The following ARHGAP6 variants were observed in gnomAD, a reference collection of about 807,000 sequenced individuals.
ARHGAP6 encodes Rho GTPase activating protein 6, also known as rho GTPase-activating protein 6.
ARHGAP6 carries 16 observed loss-of-function variants against 55.7 expected under a neutral mutation model. The observed-to-expected ratio is 0.29, with a 90% CI of 0.19 to 0.44. The LOEUF (loss-of-function observed/expected upper bound fraction) is 0.44, where lower values mean the gene tolerates loss of function less well. Among genes scored for constraint, ARHGAP6 ranks in the 20% least tolerant of loss-of-function variants. The probability of loss-of-function intolerance (pLI) is 1.00; values close to 1 mark genes in which losing one functional copy is unlikely to be tolerated. For missense variants in ARHGAP6, 698 were observed against 808.9 expected (o/e 0.86, Z 1.66); for synonymous variants, 382 against 360.9 (o/e 1.06, Z -0.66).
chrX:11,305,543 C>T (rs1354389012), intron 1 of ARHGAP6, among the ~76,000 whole-genome samples: 2 of 111,811 alleles, frequency 1.8e-5, no homozygotes, highest in East Asian at 2.8e-4. Flanking sequence ...CAAAGATGTG[C>T]TAAGGAGCTA....
Position 11,174,633 on chromosome X carries a change from T to TTC in ARHGAP6, c.1629+3465_1629+3466dup, listed in dbSNP as rs1569241537. Among the ~76,000 whole-genome samples the TTC allele has an allele frequency of 4.4e-3, 231 of 52,051 alleles. 3 individuals are homozygous for TTC. The highest frequency in any genetic ancestry group is 9.8e-3 in the Middle Eastern group (1 of 102). 45.2% of individuals were successfully genotyped at this position (52,051 alleles called of 115,157 possible). A position where few individuals can be genotyped will look rare whatever the true frequency, so the allele number is the denominator to read the frequency against. ...CTTTCTTTCTCTTTCTTTTCTTTCT[T>TTC]TCTTTCTTTCTTTCTTTCTTTCTTT... On this transcript the variant is annotated intron_variant, in intron 8 of 12. Transcript: ENST00000337414.
intron 1 of ARHGAP6, among the ~76,000 whole-genome samples, chrX:11,564,470 T>C (rs1199817735): frequency 1.8e-5 from 2 of 111,295 alleles, no homozygotes; most frequent in Non-Finnish European, 3.8e-5. Context: ...ACAGAACTTT[T>C]TTTTTTAATA....
chrX:11,506,334 G>A (rs949209850), intron 1 of ARHGAP6, among the ~76,000 whole-genome samples: 4 of 110,611 alleles, frequency 3.6e-5, no homozygotes, highest in Non-Finnish European at 7.6e-5. Context: ...GTGGTTTGCC[G>A]CACCCATCAA....
rs1157969359 is a variant in ARHGAP6, at chrX:11,654,810, T to C, written c.588+9431A>G. Among the ~76,000 whole-genome samples the C allele has an allele frequency of 2.7e-5, 3 of 111,943 alleles. No homozygotes were observed. The East Asian group carries it at 8.3e-4, about 31-fold the overall frequency. ...AAGCTTCAACTGACTATATAACTAC[T>C]CTTCTACATTTATATTTATGTTTTA... On this transcript the variant is annotated intron_variant, in intron 1 of 12. Coordinates refer to ENST00000337414, the MANE Select transcript of ARHGAP6 (RefSeq NM_013427.3).
intron 1 of ARHGAP6, among the ~76,000 whole-genome samples, chrX:11,557,154 A>T (rs1320753648): frequency 8.9e-6 from 1 of 112,560 alleles, no homozygotes; most frequent in Non-Finnish European, 1.9e-5. Flanking sequence ...GCTCTTTCCA[A>T]GAAGGTAATA....
chrX:11,274,315 G>C (rs1346856229), intron 1 of ARHGAP6, among the ~76,000 whole-genome samples: 1 of 111,909 alleles, frequency 8.9e-6, no homozygotes, highest in Admixed American at 9.5e-5. Flanking sequence ...GCAAAGGACA[G>C]CCTAAGGCCT....
intron 1 of ARHGAP6, among the ~76,000 whole-genome samples, chrX:11,555,249 A>G (rs2147088779): frequency 8.9e-6 from 1 of 112,383 alleles, no homozygotes; most frequent in South Asian, 3.7e-4. Context: ...ATGAAAACAA[A>G]GGAGGTAGTC....
intron 1 of ARHGAP6, among the ~76,000 whole-genome samples, chrX:11,629,132 GC>G (rs1359763659): frequency 9.0e-6 from 1 of 111,583 alleles, no homozygotes; most frequent in Non-Finnish European, 1.9e-5. Flanking sequence ...GAGGGAACCT[GC>G]CTACTTTCCT....
At chrX:11,173,348 G>A (rs2046121683) in intron 8 of ARHGAP6, among the ~76,000 whole-genome samples, 1 of 111,903 alleles carries the variant, frequency 8.9e-6, no homozygotes, top group Non-Finnish European at 1.9e-5. Flanking sequence ...GCCCTACACT[G>A]GTGATTTGTA....
intron 9 of ARHGAP6, among the ~76,000 whole-genome samples, chrX:11,161,369 T>A (rs1383677930): frequency 8.9e-6 from 1 of 111,767 alleles, no homozygotes; most frequent in Non-Finnish European, 1.9e-5. Context: ...GAAAGAAATA[T>A]CTAGGTAGAC....
intron 2 of ARHGAP6, among the ~76,000 whole-genome samples, chrX:11,199,053 T>C (rs778741167): frequency 1.8e-5 from 2 of 112,440 alleles, no homozygotes; most frequent in South Asian, 7.5e-4. Context: ...TACTGTTTCT[T>C]GCCTTGTTTA....
At chrX:11,181,180 A>G (rs1190529910) in intron 6 of ARHGAP6, among the ~76,000 whole-genome samples, 1 of 112,083 alleles carries the variant, frequency 8.9e-6, no homozygotes, top group Non-Finnish European at 1.9e-5. Context: ...TGTAACTATT[A>G]AGAATAAAAA....
chrX:11,569,152 G>C (rs2051482764), intron 1 of ARHGAP6, among the ~76,000 whole-genome samples: 1 of 111,505 alleles, frequency 9.0e-6, no homozygotes, highest in African/African-American at 3.3e-5. Flanking sequence ...GTGACTTCTA[G>C]GGGTCATGTG....
chrX:11,149,380 T>C (rs962919804), intron 10 of ARHGAP6, among the ~76,000 whole-genome samples: 8 of 111,445 alleles, frequency 7.2e-5, no homozygotes, highest in Non-Finnish European at 1.3e-4. Flanking sequence ...TTTAGAATTT[T>C]TCATTATGGA....
intron 1 of ARHGAP6, among the ~76,000 whole-genome samples, chrX:11,527,008 AGG>A (rs1252507218): frequency 2.3e-4 from 15 of 66,206 alleles, no homozygotes; most frequent in Middle Eastern, 8.3e-3. Flanking sequence ...TGCTAATATG[AGG>A]AGTGTGTGTG....
At chrX:11,438,821 A>G (rs1350393617) in intron 1 of ARHGAP6, among the ~76,000 whole-genome samples, 1 of 112,517 alleles carries the variant, frequency 8.9e-6, no homozygotes, top group Non-Finnish European at 1.9e-5. Context: ...AAGGGCAGAA[A>G]ATAAAAGAGG....
intron 1 of ARHGAP6, among the ~76,000 whole-genome samples, chrX:11,418,931 C>T (rs2049786911): frequency 1.8e-5 from 2 of 111,573 alleles, no homozygotes; most frequent in Admixed American, 9.5e-5. Flanking sequence ...TTGTCAACAC[C>T]GACCCCCCCT....
intron 1 of ARHGAP6, among the ~76,000 whole-genome samples, chrX:11,388,586 T>C (rs900628927): frequency 1.9e-4 from 21 of 111,856 alleles, no homozygotes; most frequent in Non-Finnish European, 4.0e-4. Flanking sequence ...ATTTTGGCTT[T>C]TGTTGCCATT....
In ARHGAP6 at chrX:11,311,846, G is replaced by GA. The variant is rs1312477811; in HGVS notation, c.589-57140dup. Reference sequence around the variant, plus strand: ...GCACACGCTATGTTACTTTTTAAGGGAAAAAAGTGGGGGGAAATCAAAGGG... The same window carrying GA: ...GCACACGCTATGTTACTTTTTAAGGGAAAAAAAGTGGGGGGAAATCAAAGGG... On this transcript the variant is annotated intron_variant, in intron 1 of 12. Transcript: ENST00000337414. Among the ~76,000 whole-genome samples, 6 of 111,315 alleles carry GA rather than the reference G, an allele frequency of 5.4e-5. No individual in the cohort carries two copies. The Admixed American group carries it at 5.7e-4, about 11-fold the overall frequency.
Sources: gnomAD v4.1 joint callset for allele counts (sites outside exome capture counted in the v4.1 genomes callset) on GRCh38, gnomAD v4.1.1 for gene constraint, MANE v1.5 for transcripts, NCBI Gene and HGNC (gene_info 2026-07-23, HGNC 2026-07-21) for gene names.